The following SMAD6 variants were observed in gnomAD, a reference collection of about 807,000 sequenced individuals.
SMAD6 encodes SMAD family member 6, also known as MAD homolog 6.
In SMAD6, 103 loss-of-function variants were observed where a neutral mutation model predicts 39.4. The ratio of observed to expected loss-of-function variants is 2.62; its 90% CI spans 2.23 to 3.08. The LOEUF (loss-of-function observed/expected upper bound fraction) is 3.08. Ranked by LOEUF, SMAD6 falls within the 30% of genes most tolerant of loss-of-function variation. SMAD6 has a pLI of 0.00. For missense variants in SMAD6, 1,104 were observed against 742.9 expected (o/e 1.49, Z -5.65); for synonymous variants, 445 against 353.3 (o/e 1.26, Z -2.91).
chr15:66,771,657 C>T (rs1053937301), intron 3 of SMAD6, among the ~76,000 whole-genome samples: 2 of 152,130 alleles, frequency 1.3e-5, no homozygotes, highest in Admixed American at 6.5e-5. Flanking sequence ...GGCTCAGGGT[C>T]GGGATTCCTG....
At chr15:66,780,502 C>T (rs991564609) in intron 3 of SMAD6, among the ~76,000 whole-genome samples, 3 of 152,200 alleles carry the variant, frequency 2.0e-5, no homozygotes, top group Non-Finnish European at 4.4e-5. Flanking sequence ...GGGGTGCCCT[C>T]CTCTGTAGAA....
chr15:66,751,235 C>G (rs1894000584), intron 3 of SMAD6, among the ~76,000 whole-genome samples: 1 of 152,176 alleles, frequency 6.6e-6, no homozygotes, highest in African/African-American at 2.4e-5. Flanking sequence ...CTCAGACCTG[C>G]AGGCTTTACC....
intron 1 of SMAD6, chr15:66,707,228 G>C (rs1255921956): frequency 6.6e-6 from 1 of 152,074 alleles, no homozygotes. Context: ...CCTTTCTCCT[G>C]AAAGTATCCA....
chr15:66,748,658 C>T (rs1411255000), intron 3 of SMAD6, among the ~76,000 whole-genome samples: 2 of 152,186 alleles, frequency 1.3e-5, no homozygotes. Context: ...CCTCTCTTCA[C>T]TTCATTAGAT....
intron 3 of SMAD6, among the ~76,000 whole-genome samples, chr15:66,748,809 A>G (rs938585261): frequency 6.6e-6 from 1 of 152,152 alleles, no homozygotes; most frequent in Non-Finnish European, 1.5e-5. Flanking sequence ...TTAAAGCTAT[A>G]GGGAGAGACT....
rs116433973 is a variant in SMAD6 at position 66,753,345 on chromosome 15, C to T, written c.953-27652C>T. Among the ~76,000 whole-genome samples, 704 of 152,336 alleles carry T rather than the reference C, an allele frequency of 4.6e-3. 5 individuals carry two copies. Among genetic ancestry groups the T allele is most frequent in the African/African-American group, 0.016 (674 of 41,584 alleles). ...CTCCTGTCACCCCAGTCGCAGGGAT[C>T]TGGGCAGATGTGGGTCCTTGTGCGT... On this transcript the variant is annotated intron_variant, in intron 3 of 3. Coordinates refer to ENST00000288840, the MANE Select transcript of SMAD6 (RefSeq NM_005585.5).
chr15:66,763,041 C>T (rs1894227713), intron 3 of SMAD6, among the ~76,000 whole-genome samples: 2 of 151,874 alleles, frequency 1.3e-5, no homozygotes, highest in African/African-American at 4.8e-5. Flanking sequence ...GCAGTGGGTA[C>T]AGTCAGGGTC....
In SMAD6 at chr15:66,711,714, C is replaced by T; in HGVS notation, c.864C>T (p.Tyr288=). ...CTCGGCTGTCTCCTCGCGACGAGTA[C>T]AAGCCACTGGGTAAGTGTGCCCTCC... is the stretch of plus-strand genomic sequence containing the variant. ...PYSRLSPRDE[Y]KPLDLSDSTL... is the part of the protein sequence containing the mutation. Residue 288 remains tyrosine (Y), a synonymous_variant, in exon 2 of 4, where the codon TAC becomes TAT. Coordinates refer to ENST00000288840, the MANE Select transcript of SMAD6 (RefSeq NM_005585.5). 6.2e-7 allele frequency: 1 copy of T among 1,612,728 alleles called. No homozygotes were observed. Among genetic ancestry groups the T allele is most frequent in the Non-Finnish European group, 8.5e-7 (1 of 1,179,572 alleles).
At position 66,703,448 on chromosome 15, in the gene SMAD6, G is replaced by T. The variant is rs1893024261; in HGVS notation, c.190G>T (p.Ala64Ser). ...GCGRSEVRPV[A>S]PRRPRDAVGQ... ...CGGCCGCTCCGAAGTCCGCCCGGTA[G>T]CCCCGCGGCGGCCCCGGGACGCAGT... The change falls in exon 1 of 4, where the codon GCC (alanine) becomes TCC (serine). Residue 64 changes from alanine to serine, a missense_variant. By Grantham distance (99) the Ala-to-Ser change is moderately conservative. Transcript: ENST00000288840. 7.8e-7 allele frequency: 1 copy of T among 1,274,976 alleles called. No individual in the cohort carries two copies. The highest frequency in any genetic ancestry group is 9.9e-7 in the Non-Finnish European group (1 of 1,007,300). 79.0% of individuals were successfully genotyped at this position (1,274,976 alleles called of 1,614,324 possible). A position where few individuals can be genotyped will look rare whatever the true frequency, so the allele number is the denominator to read the frequency against.
rs1318237027 is a variant in SMAD6 at position 66,703,493 on chromosome 15, G to T, written c.235G>T (p.Gly79Cys). 4 of 1,228,578 alleles carry T rather than the reference G, an allele frequency of 3.3e-6. No individual in the cohort carries two copies. The highest frequency in any genetic ancestry group is 3.1e-5 in the African/African-American group (2 of 63,618). 76.1% of individuals were successfully genotyped at this position (1,228,578 alleles called of 1,614,324 possible). The change falls in exon 1 of 4, where the codon GGC becomes TGC. Residue 79 changes from glycine (G) to cysteine (C), a missense_variant. Gly to Cys is a radical substitution (Grantham distance 159, BLOSUM62 -3). Transcript: ENST00000288840. ...CGCAGTGGGACAGCGAGGCGCCCAG[G>T]GCGCGGGGAGGCGCCGGCGCGCAGG... Reference protein sequence around the residue: ...RDAVGQRGAQGAGRRRRAGGP... With the variant: ...RDAVGQRGAQCAGRRRRAGGP...
chr15:66,711,834 G>T (rs980184166), intron 2 of SMAD6, 110 bp downstream of exon 2: 14 of 915,808 alleles, frequency 1.5e-5, no homozygotes, highest in African/African-American at 3.3e-5. Context: ...CTGGAGGGGA[G>T]GGGTGAAAGC....
At chr15:66,728,109 T>A (rs1239826218) in intron 3 of SMAD6, among the ~76,000 whole-genome samples, 3 of 152,152 alleles carry the variant, frequency 2.0e-5, no homozygotes, top group East Asian at 1.9e-4. Context: ...TGCCTTGGCC[T>A]CCCAAAGTGC....
intron 3 of SMAD6, among the ~76,000 whole-genome samples, chr15:66,771,595 T>C (rs1411649802): frequency 6.6e-6 from 1 of 152,130 alleles, no homozygotes; most frequent in Non-Finnish European, 1.5e-5. Flanking sequence ...ACTGGGGGAC[T>C]CTGAGGACCA....
At chr15:66,714,236 G>A (rs1220189364) in intron 2 of SMAD6, among the ~76,000 whole-genome samples, 1 of 152,158 alleles carries the variant, frequency 6.6e-6, no homozygotes, top group Non-Finnish European at 1.5e-5. Flanking sequence ...GTGACCATGT[G>A]GAAACCAACA....
At chr15:66,724,378 C>A (rs147897224) in intron 3 of SMAD6, among the ~76,000 whole-genome samples, 39 of 152,232 alleles carry the variant, frequency 2.6e-4, no homozygotes, top group African/African-American at 9.4e-4. Context: ...ACAGAAAGAT[C>A]ATCACACATA....
chr15:66,759,336 A>AAG (rs5813403), intron 3 of SMAD6, among the ~76,000 whole-genome samples: 133 of 150,398 alleles, frequency 8.8e-4, no homozygotes, highest in Non-Finnish European at 1.3e-3. Flanking sequence ...GACAGAGAGG[A>AAG]AGAGAGAGAG....
At position 66,765,263 on chromosome 15, in the gene SMAD6, C is replaced by A. The variant is rs1364731254; in HGVS notation, c.953-15734C>A. On this transcript the variant is annotated intron_variant, in intron 3 of 3. Transcript: ENST00000288840. ...TTTTTGAGACAGAGTCTGGCTCTGT[C>A]GCCCAGGCTGGAGTGCAGTGGCGCA... is the stretch of plus-strand genomic sequence containing the variant. Among the ~76,000 whole-genome samples the A allele has an allele frequency of 2.0e-5, 3 of 152,074 alleles. 1 individual carries two copies. In the South Asian group the frequency reaches 6.2e-4, roughly 32 times the overall value.
At chr15:66,731,387 G>A (rs1157738256) in intron 3 of SMAD6, among the ~76,000 whole-genome samples, 2 of 144,504 alleles carry the variant, frequency 1.4e-5, no homozygotes, top group African/African-American at 5.2e-5. Flanking sequence ...GCAGTGAGCC[G>A]AGATCCCGCC....
chr15:66,769,106 G>T (rs117034472), intron 3 of SMAD6, among the ~76,000 whole-genome samples: 1 of 152,152 alleles, frequency 6.6e-6, no homozygotes, highest in African/African-American at 2.4e-5. Flanking sequence ...CCTGGTCATC[G>T]AGTGCCGGGT....
Sources: allele counts gnomAD v4.1 joint callset (sites outside exome capture counted in the v4.1 genomes callset), GRCh38; gene constraint gnomAD v4.1.1; transcripts MANE v1.5; gene names NCBI Gene and HGNC (gene_info 2026-07-23, HGNC 2026-07-21).